Variants in GDI2 observed in about 807,000 individuals in gnomAD.
The protein encoded by GDI2 is GDP dissociation inhibitor 2.
GDI2 carries 22 observed loss-of-function variants against 54.2 expected under a neutral mutation model. The observed-to-expected ratio is 0.41, with a 90% CI of 0.29 to 0.58. The LOEUF (loss-of-function observed/expected upper bound fraction) is 0.58. Among genes scored for constraint, GDI2 ranks in the 20% least tolerant of loss-of-function variants. The pLI, the probability that GDI2 is intolerant of heterozygous loss-of-function variation, is 0.35. For missense variants in GDI2, 422 were observed against 546.0 expected (o/e 0.77, Z 2.26); for synonymous variants, 177 against 182.1 (o/e 0.97, Z 0.23).
chr10:5,806,383 C>A (rs1046208095), intron 1 of GDI2, among the ~76,000 whole-genome samples: 1 of 151,728 alleles, frequency 6.6e-6, no homozygotes, highest in East Asian at 1.9e-4. Context: ...CAGTGAGACC[C>A]CCATCTCTAC....
chr10:5,810,558 C>T (rs1841463470), intron 1 of GDI2, among the ~76,000 whole-genome samples: 1 of 152,148 alleles, frequency 6.6e-6, no homozygotes, highest in Non-Finnish European at 1.5e-5. Flanking sequence ...GTAAAGGGGG[C>T]AAAAGTTCCT....
rs918986705 is a variant in GDI2 at position 5,794,825 on chromosome 10, A to G, written c.388+60T>C. 3.6e-5 allele frequency: 42 copies of G among 1,160,466 alleles called. No individual in the cohort carries two copies. In the African/African-American group the frequency reaches 6.1e-4, roughly 17 times the overall value. 71.9% of individuals were successfully genotyped at this position (1,160,466 alleles called of 1,614,324 possible). A position where few individuals can be genotyped will look rare whatever the true frequency, so the allele number is the denominator to read the frequency against. ...GTCCTCTCTAAGACTCTTTTCCAGT[A>G]TAAAATCTCATTATTCTGAGAAAAT... On this transcript the variant is annotated intron_variant, in intron 4 of 10. Coordinates refer to ENST00000380191, the MANE Select transcript of GDI2 (RefSeq NM_001494.4).
chr10:5,797,638 CTGGGAGGTGGAGAATCACATGA>C (rs1265421358), intron 2 of GDI2, among the ~76,000 whole-genome samples: 16 of 1,778 alleles, frequency 9.0e-3, no homozygotes, highest in African/African-American at 0.013. Flanking sequence ...TCACATGAAT[CTGGGAGGTGGAGAATCACATGA>C]ATCTGGGAGG....
Position 5,773,303 on chromosome 10 carries a change from CA to C in GDI2, c.819+538del, listed in dbSNP as rs1840541896. Among the ~76,000 whole-genome samples, 9 of 152,180 alleles carry C rather than the reference CA, an allele frequency of 5.9e-5. No homozygotes were observed. In the South Asian group the frequency reaches 1.7e-3, roughly 28 times the overall value. ...CTGCAAGAACTGTTGCAGATAGTAA[CA>C]GTGTCAAATGGCAGAAGAATTAATT... On this transcript the variant is annotated intron_variant, in intron 7 of 10. Coordinates refer to ENST00000380191, the MANE Select transcript of GDI2 (RefSeq NM_001494.4).
chr10:5,779,928 A>G (rs1268308523), intron 6 of GDI2, among the ~76,000 whole-genome samples: 1 of 152,074 alleles, frequency 6.6e-6, no homozygotes, highest in African/African-American at 2.4e-5. Flanking sequence ...CCTGGGCTTC[A>G]AGCGATCCAC....
chr10:5,780,686 A>C (rs901255714), intron 6 of GDI2, among the ~76,000 whole-genome samples: 1 of 152,230 alleles, frequency 6.6e-6, no homozygotes, highest in Non-Finnish European at 1.5e-5. Flanking sequence ...ATACATTAAC[A>C]GCGGCATCAG....
At chr10:5,783,570 A>T (rs1021779380) in intron 6 of GDI2, among the ~76,000 whole-genome samples, 3 of 152,068 alleles carry the variant, frequency 2.0e-5, no homozygotes, top group African/African-American at 7.2e-5. Context: ...TGCTTTAAGG[A>T]GATACAATTT....
rs1425493198 is a variant in GDI2 at position 5,787,450 on chromosome 10, T to TGAGCCGAGATTGCACC, written c.389-1416_389-1401dup. ...TAAACCCAGGAGTCAGAGATTGCAC[T>TGAGCCGAGATTGCACC]GAGCCGAGATTGCACCATTGTACTC... On this transcript the variant is annotated intron_variant, in intron 4 of 10. Coordinates refer to ENST00000380191, the MANE Select transcript of GDI2 (RefSeq NM_001494.4). 1.7e-3 allele frequency among the ~76,000 whole-genome samples: 266 copies of TGAGCCGAGATTGCACC among 152,014 alleles called. 1 individual carries two copies. The highest frequency in any genetic ancestry group is 6.1e-3 in the African/African-American group (254 of 41,436).
intron 5 of GDI2, 51 bp from the exon 6 acceptor site, chr10:5,785,324 G>A (rs543150268): frequency 1.5e-6 from 2 of 1,343,864 alleles, no homozygotes. Context: ...TTCATTCATG[G>A]TGTTCAATTT....
Position 5,811,960 on chromosome 10 carries a change from T to TAAAA in GDI2, c.45+1250_45+1253dup, listed in dbSNP as rs146282355. On this transcript the variant is annotated intron_variant, in intron 1 of 10. Transcript: ENST00000380191. The stretch of plus-strand genomic sequence containing the variant: ...AAGTGTTATTTTGGGATGTTACCTG[T>TAAAA]AAAAAAAAAAAAAAAAATTGGTTTG... The TAAAA allele has an allele frequency of 5.6e-3, 3,752 of 664,358 alleles. 11 individuals carry two copies. Among genetic ancestry groups the TAAAA allele is most frequent in the Admixed American group, 7.8e-3 (146 of 18,758 alleles). 41.2% of individuals were successfully genotyped at this position (664,358 alleles called of 1,614,324 possible).
At chr10:5,808,319 T>C (rs1841417661) in intron 1 of GDI2, among the ~76,000 whole-genome samples, 1 of 147,404 alleles carries the variant, frequency 6.8e-6, no homozygotes, top group Non-Finnish European at 1.5e-5. Context: ...ACCGAGACCC[T>C]GTCTCAAAAA....
In GDI2 at chr10:5,776,503, C is replaced by T. The variant is rs1376662665; in HGVS notation, c.720-2562G>A. ...GAGCCATGTATTAGAAGCAAAGGCC[C>T]GAAAGATAAAACAATTATAGAGAAG... On this transcript the variant is annotated intron_variant, in intron 6 of 10. Transcript: ENST00000380191. The surrounding 1 kb of genome is among the most constrained non-coding windows in gnomAD (Gnocchi z 5.3). The T allele has an allele frequency of 2.6e-5, 35 of 1,328,926 alleles. No individual in the cohort carries two copies. The highest frequency in any genetic ancestry group is 9.3e-5 in the East Asian group (4 of 43,148). The allele number at this position is 1,328,926 out of a possible 1,614,324, so 82.3% of individuals were successfully genotyped here. A position where few individuals can be genotyped will look rare whatever the true frequency, so the allele number is the denominator to read the frequency against.
At position 5,776,461 on chromosome 10, in the gene GDI2, A is replaced by G. The variant is rs915106438; in HGVS notation, c.720-2520T>C. On this transcript the variant is annotated intron_variant, in intron 6 of 10. Coordinates refer to ENST00000380191, the MANE Select transcript of GDI2 (RefSeq NM_001494.4). This position sits in a 1 kb window ranked among gnomAD's most constrained non-coding sequence, Gnocchi z 5.3. ...GACACGCTACTATTTTTACTTTAGCAAAAGAGTGAGCCAGCAGAGCCATGT... is the reference window on the plus strand; with the variant it reads ...GACACGCTACTATTTTTACTTTAGCGAAAGAGTGAGCCAGCAGAGCCATGT... 7.5e-6 allele frequency: 7 copies of G among 934,282 alleles called. No individual in the cohort carries two copies. Among genetic ancestry groups the G allele is most frequent in the African/African-American group, 4.9e-5 (3 of 61,722 alleles). 57.9% of individuals were successfully genotyped at this position (934,282 alleles called of 1,614,324 possible).
intron 1 of GDI2, among the ~76,000 whole-genome samples, chr10:5,811,709 T>G (rs1841482475): frequency 6.6e-6 from 1 of 151,588 alleles, no homozygotes; most frequent in Non-Finnish European, 1.5e-5. Flanking sequence ...GCCTATTCAT[T>G]TAGGCATCCA....
intron 4 of GDI2, among the ~76,000 whole-genome samples, chr10:5,787,231 G>A (rs748752956): frequency 5.9e-5 from 9 of 152,222 alleles, no homozygotes; most frequent in Admixed American, 2.0e-4. Context: ...TGGTCAGGTC[G>A]TAGTGGCTCA....
At chr10:5,770,803 T>C (rs1160677054) in intron 7 of GDI2, among the ~76,000 whole-genome samples, 1 of 151,566 alleles carries the variant, frequency 6.6e-6, no homozygotes, top group Non-Finnish European at 1.5e-5. Flanking sequence ...CCATCTCTAC[T>C]AAAAATACAA....
chr10:5,781,834 G>C (rs1840763870), intron 6 of GDI2, among the ~76,000 whole-genome samples: 1 of 151,662 alleles, frequency 6.6e-6, no homozygotes, highest in Non-Finnish European at 1.5e-5. Flanking sequence ...TTCAATAACG[G>C]CAAAACCCCG....
intron 4 of GDI2, among the ~76,000 whole-genome samples, chr10:5,791,503 T>C (rs1347604860): frequency 6.6e-6 from 1 of 152,082 alleles, no homozygotes; most frequent in African/African-American, 2.4e-5. Context: ...ACCCCAGGTC[T>C]TTGGGAGGCC....
In GDI2 at chr10:5,768,657, G is replaced by A; in HGVS notation, c.820-273C>T. ...CGTATGGACCAATGAAACGAGGAGA[G>A]AGCCAGAAATAAACCCTCGCATCCA... On this transcript the variant is annotated intron_variant, in intron 7 of 10. Coordinates refer to ENST00000380191, the MANE Select transcript of GDI2 (RefSeq NM_001494.4). The surrounding 1 kb of genome is among the most constrained non-coding windows in gnomAD (Gnocchi z 4.4). The A allele has an allele frequency of 9.4e-6, 3 of 318,918 alleles. No homozygotes were observed. The highest frequency in any genetic ancestry group is 1.7e-5 in the Non-Finnish European group (3 of 173,418). The allele number at this position is 318,918 out of a possible 1,614,324, so 19.8% of individuals were successfully genotyped here.
Sources: gnomAD v4.1 joint callset for allele counts (sites outside exome capture counted in the v4.1 genomes callset) on GRCh38, gnomAD v4.1.1 for gene constraint, Gnocchi (gnomAD v3.1) non-coding constraint, MANE v1.5 for transcripts, NCBI Gene and HGNC (gene_info 2026-07-23, HGNC 2026-07-21) for gene names.